Variants in ATP11A observed in about 807,000 individuals in gnomAD.
ATP11A encodes phospholipid-transporting ATPase IH.
In ATP11A, 81 loss-of-function variants were observed where a neutral mutation model predicts 154.4. The ratio of observed to expected loss-of-function variants is 0.52; its 90% CI spans 0.44 to 0.63. The LOEUF is 0.63. ATP11A is among the 30% of genes least tolerant of loss of function. The pLI, the probability that ATP11A is intolerant of heterozygous loss-of-function variation, is 0.00. For missense variants in ATP11A, 1,316 were observed against 1,474.3 expected, an observed-to-expected ratio of 0.89 and a Z score of 1.76; for synonymous variants, 623 against 585.9, an observed-to-expected ratio of 1.06 and a Z score of -0.91.
At chr13:112,748,208 A>G (rs1372197229) in intron 1 of ATP11A, among the ~76,000 whole-genome samples, 1 of 152,232 alleles carries the variant, frequency 6.6e-6, no homozygotes, top group Non-Finnish European at 1.5e-5. Context: ...GGTCCCAAGC[A>G]TTTTGGATAA....
chr13:112,858,378 A>G lies in ATP11A; in HGVS notation c.2667+88A>G, dbSNP rs117975503. On this transcript the variant is annotated intron_variant, in intron 22 of 29. Transcript: ENST00000375645. ...CCTTGTCTGAGCCACTTGATGCCAC[A>G]AGAGGTCATTGATCTCCGAGGAGCA... 1.2e-3 allele frequency: 1,718 copies of G among 1,378,180 alleles called. 39 individuals are homozygous for G. In the East Asian group the frequency reaches 0.034, roughly 28 times the overall value. The allele number at this position is 1,378,180 out of a possible 1,614,324, so 85.4% of individuals were successfully genotyped here.
chr13:112,808,816 C>T (rs1419766281), intron 4 of ATP11A, among the ~76,000 whole-genome samples: 1 of 152,202 alleles, frequency 6.6e-6, no homozygotes, highest in Non-Finnish European at 1.5e-5. Flanking sequence ...GGCACCCAGC[C>T]TCCCCTGCTA....
intron 1 of ATP11A, among the ~76,000 whole-genome samples, chr13:112,759,866 A>G (rs1214897870): frequency 6.6e-6 from 1 of 152,220 alleles, no homozygotes; most frequent in Admixed American, 6.5e-5. Context: ...GCCCTTGGGT[A>G]GGTTATTCGC....
At chr13:112,766,838 T>C (rs11620097) in intron 1 of ATP11A, among the ~76,000 whole-genome samples, 6,507 of 19,460 alleles carry the variant, frequency 0.33, 2,534 homozygotes, top group African/African-American at 0.51. Flanking sequence ...GATGTGGGGG[T>C]GTTGGGGGCC....
At chr13:112,832,699 G>A (rs1007791681) in intron 13 of ATP11A, among the ~76,000 whole-genome samples, 161 bp from the exon 14 acceptor site, 16 of 152,208 alleles carry the variant, frequency 1.1e-4, no homozygotes, top group African/African-American at 3.6e-4. Context: ...ATGGAAAGCT[G>A]TAATTCCATC....
At position 112,831,537 on chromosome 13, in the gene ATP11A, G is replaced by A. The variant is rs139991083; in HGVS notation, c.1384G>A (p.Val462Ile). The A allele has an allele frequency of 5.9e-5, 96 of 1,613,924 alleles. No homozygotes were observed. The highest frequency in any genetic ancestry group is 5.2e-4 in the Admixed American group (31 of 60,000). ...CGACATGATTGACTCGTCCCCCAGC[G>A]TCAACGGGAGGGTAGGTGGCAGCCC... is the stretch of plus-strand genomic sequence containing the variant. ...GIDMIDSSPS[V>I]NGREREELFF... is the part of the protein sequence containing the mutation. Residue 462 changes from valine (V) to isoleucine (I), a missense_variant, in exon 13 of 30, where the codon GTC becomes ATC. Around this residue, in one of 5 missense-constraint regions of ATP11A, gnomAD observed 876 missense variants for 1,006.8 expected, o/e 0.87. Coordinates refer to ENST00000375645, the MANE Select transcript of ATP11A (RefSeq NM_015205.3).
chr13:112,700,609 A>G (rs1192273611), intron 1 of ATP11A, among the ~76,000 whole-genome samples: 1 of 152,218 alleles, frequency 6.6e-6, no homozygotes, highest in Non-Finnish European at 1.5e-5. Context: ...GTGAAGGGTG[A>G]GTGAACGCCC....
chr13:112,690,533 C>T lies in ATP11A; in HGVS notation c.39+78C>T. Reference sequence around the variant, plus strand: ...CGGCCCCGCAGCCCGGACCCTGTGGCCGGTCCAGCCCCGGGGTCCCGGGAG... The same window carrying T: ...CGGCCCCGCAGCCCGGACCCTGTGGTCGGTCCAGCCCCGGGGTCCCGGGAG... On this transcript the variant is annotated intron_variant, in intron 1 of 29. Coordinates refer to ENST00000375645, the MANE Select transcript of ATP11A (RefSeq NM_015205.3). The surrounding 1 kb of genome is among the most constrained non-coding windows in gnomAD (Gnocchi z 5.6). The T allele has an allele frequency of 2.4e-6, 3 of 1,226,516 alleles. No individual in the cohort carries two copies. The highest frequency in any genetic ancestry group is 3.1e-5 in the South Asian group (1 of 32,144). The allele number at this position is 1,226,516 out of a possible 1,614,324, so 76.0% of individuals were successfully genotyped here. A position where few individuals can be genotyped will look rare whatever the true frequency, so the allele number is the denominator to read the frequency against.
At chr13:112,853,001 G>T (rs767417048) in intron 18 of ATP11A, among the ~76,000 whole-genome samples, 2 of 152,122 alleles carry the variant, frequency 1.3e-5, no homozygotes, top group Non-Finnish European at 2.9e-5. Context: ...CAGGAGGATT[G>T]ATTAAGGCCA....
chr13:112,812,729 T>G (rs77943909), intron 5 of ATP11A, among the ~76,000 whole-genome samples: 1,570 of 152,322 alleles, frequency 0.01, 39 homozygotes, highest in East Asian at 0.055. Flanking sequence ...CTTATAAACG[T>G]GCTATCCAGG....
chr13:112,783,017 C>T (rs1288076560), intron 1 of ATP11A, among the ~76,000 whole-genome samples: 1 of 152,184 alleles, frequency 6.6e-6, no homozygotes, highest in African/African-American at 2.4e-5. Context: ...GGTCTCTTTC[C>T]GTTATTTTAC....
chr13:112,859,807 C>T lies in ATP11A; in HGVS notation c.2727+355C>T, dbSNP rs2080047135. 6.6e-6 allele frequency among the ~76,000 whole-genome samples: 1 copy of T among 152,222 alleles called. No homozygotes were observed. The highest frequency in any genetic ancestry group is 2.4e-5 in the African/African-American group (1 of 41,462). ...TCGAGGTCCTTGTGGACATGGGCCA[C>T]CCCGGTGCCTGGCACGTTAACACAT... On this transcript the variant is annotated intron_variant, in intron 23 of 29. Coordinates refer to ENST00000375645, the MANE Select transcript of ATP11A (RefSeq NM_015205.3). The surrounding 1 kb of genome is among the most constrained non-coding windows in gnomAD (Gnocchi z 4.3).
chr13:112,873,809 C>A, intron 27 of ATP11A, 133 bp downstream of exon 27: 1 of 855,896 alleles, frequency 1.2e-6, no homozygotes, highest in Non-Finnish European at 1.8e-6. Context: ...CTGCTGTGTG[C>A]TGGGTGTCGT....
chr13:112,843,906 G>A (rs1457699177), intron 17 of ATP11A, among the ~76,000 whole-genome samples: 2 of 152,208 alleles, frequency 1.3e-5, no homozygotes, highest in Non-Finnish European at 2.9e-5. Context: ...TAAATCAGCA[G>A]CAGGTTAAAG....
rs1289333715 is a variant in ATP11A, at chr13:112,882,397, T to G, written c.*531T>G. 1 of 394,354 alleles carries G rather than the reference T, an allele frequency of 2.5e-6. No individual in the cohort carries two copies. The highest frequency in any genetic ancestry group is 4.7e-6 in the Non-Finnish European group (1 of 212,184). 24.4% of individuals were successfully genotyped at this position (394,354 alleles called of 1,614,324 possible). On this transcript the variant is annotated 3_prime_UTR_variant, in exon 30 of 30. Coordinates refer to ENST00000375645, the MANE Select transcript of ATP11A (RefSeq NM_015205.3). This position sits in a 1 kb window ranked among gnomAD's most constrained non-coding sequence, Gnocchi z 5.1. ...CATGTGGATGCCACATGCTGCTGTT[T>G]CCTGCTTGCCCGGCCACCACCCATG...
At chr13:112,820,044 T>C in intron 8 of ATP11A, 94 bp downstream of exon 8, 1 of 1,271,798 alleles carries the variant, frequency 7.9e-7, no homozygotes, top group Non-Finnish European at 1.1e-6. Context: ...CGGCGGCTGC[T>C]CTGGTAGATT....
Position 112,690,292 on chromosome 13 carries a change from C to A in ATP11A, c.-125C>A. 4 of 643,074 alleles carry A rather than the reference C, an allele frequency of 6.2e-6. No individual in the cohort carries two copies. Among genetic ancestry groups the A allele is most frequent in the Middle Eastern group, 6.6e-4 (1 of 1,518 alleles). 39.8% of individuals were successfully genotyped at this position (643,074 alleles called of 1,614,324 possible). ...GAGGGGCCGCGGCCGCCCCCTGCAC[C>A]GCCCGGCGCGCCGAGGCCGTGACCG... On this transcript the variant is annotated 5_prime_UTR_variant, in exon 1 of 30. Coordinates refer to ENST00000375645, the MANE Select transcript of ATP11A (RefSeq NM_015205.3). The surrounding 1 kb of genome is among the most constrained non-coding windows in gnomAD (Gnocchi z 5.6).
At position 112,819,939 on chromosome 13, in the gene ATP11A, C is replaced by A; in HGVS notation, c.714C>A (p.Asp238Glu). 3 of 1,609,416 alleles carry A rather than the reference C, an allele frequency of 1.9e-6. 1 individual carries two copies. The highest frequency in any genetic ancestry group is 2.5e-6 in the Non-Finnish European group (3 of 1,177,694). ...GRINVYSDLN[D>E]PVVRPLGSEN... ...TCAACGTTTACAGTGACCTGAATGA[C>A]CCCGTGGTGAGGTGAGTGCCTCTGC... Residue 238 changes from aspartate to glutamate, a missense_variant, in exon 8 of 30, where the codon GAC (aspartate) becomes GAA (glutamate). Transcript: ENST00000375645.
In ATP11A at chr13:112,859,594, G is replaced by A. The variant is rs924767103; in HGVS notation, c.2727+142G>A. 13 of 739,764 alleles carry A rather than the reference G, an allele frequency of 1.8e-5. No homozygotes were observed. The highest frequency in any genetic ancestry group is 3.4e-5 in the African/African-American group (2 of 57,978). The allele number at this position is 739,764 out of a possible 1,614,324, so 45.8% of individuals were successfully genotyped here. On this transcript the variant is annotated intron_variant, in intron 23 of 29. Transcript: ENST00000375645. The surrounding 1 kb of genome is among the most constrained non-coding windows in gnomAD (Gnocchi z 4.3). The stretch of plus-strand genomic sequence containing the variant: ...GGAGCCAGGGTGCCCAGCAGCAGGC[G>A]GGGGTGAAGGGTCGGGCCTGGGGAG...
Sources: gnomAD v4.1 joint callset for allele counts (sites outside exome capture counted in the v4.1 genomes callset) on GRCh38, gnomAD v4.1.1 for gene constraint, gnomAD v4.1.1 regional missense constraint, Gnocchi (gnomAD v3.1) non-coding constraint, MANE v1.5 for transcripts, NCBI Gene and HGNC (gene_info 2026-07-23, HGNC 2026-07-21) for gene names.